Variants in BNC2 observed in about 807,000 individuals in gnomAD.
BNC2 encodes the protein basonuclin zinc finger protein 2.
A neutral mutation model predicts 76.3 loss-of-function variants in BNC2; 20 were observed. The observed-to-expected ratio is 0.26, with a 90% CI of 0.18 to 0.38. The LOEUF is 0.38. BNC2 is among the 10% of genes least tolerant of loss of function. The probability of loss-of-function intolerance (pLI) is 1.00; values close to 1 mark genes in which losing one functional copy is unlikely to be tolerated. For missense variants in BNC2, 1,382 were observed against 1,399.8 expected, an observed-to-expected ratio of 0.99 and a Z score of 0.20; for synonymous variants, 582 against 514.8, an observed-to-expected ratio of 1.13 and a Z score of -1.77.
chr9:16,522,601 G>C (rs116212541), intron 5 of BNC2, among the ~76,000 whole-genome samples: 1 of 152,130 alleles, frequency 6.6e-6, no homozygotes, highest in South Asian at 2.1e-4. Context: ...TGAACAGTGG[G>C]AGCCAAGAGG....
chr9:16,680,342 C>G (rs1822787153), intron 3 of BNC2, among the ~76,000 whole-genome samples: 1 of 151,912 alleles, frequency 6.6e-6, no homozygotes, highest in South Asian at 2.1e-4. Context: ...CCTTTAATAA[C>G]AAAAAATTTT....
chr9:16,681,807 G>A (rs572471907), intron 3 of BNC2, among the ~76,000 whole-genome samples: 21 of 152,290 alleles, frequency 1.4e-4, no homozygotes, highest in African/African-American at 3.8e-4. Flanking sequence ...AGCATAGACC[G>A]CCTGGTACTT....
intron 3 of BNC2, among the ~76,000 whole-genome samples, chr9:16,622,829 A>C (rs1377868126): frequency 6.6e-6 from 1 of 152,194 alleles, no homozygotes; most frequent in African/African-American, 2.4e-5. Context: ...ACGCATGTAA[A>C]GAACAACAAT....
intron 3 of BNC2, among the ~76,000 whole-genome samples, chr9:16,724,932 A>G (rs1313060835): frequency 6.6e-6 from 1 of 152,122 alleles, no homozygotes; most frequent in Non-Finnish European, 1.5e-5. Flanking sequence ...TCAGGAAAAT[A>G]TTAGTTTTTA....
chr9:16,763,722 T>C lies in BNC2; in HGVS notation c.4-25237A>G, dbSNP rs149644494. Among the ~76,000 whole-genome samples the C allele has an allele frequency of 3.1e-3, 473 of 152,272 alleles. 3 individuals are homozygous for C. Among genetic ancestry groups the C allele is most frequent in the African/African-American group, 8.4e-3 (350 of 41,546 alleles). On this transcript the variant is annotated intron_variant, in intron 1 of 6. Transcript: ENST00000380672. ...TAGTGGTGAGTGGCAGAAAACTACA[T>C]AGCATGTTACTTTCCAATGATAAAA...
At chr9:16,538,739 G>T (rs866496535) in intron 5 of BNC2, among the ~76,000 whole-genome samples, 1 of 152,054 alleles carries the variant, frequency 6.6e-6, no homozygotes, top group Non-Finnish European at 1.5e-5. Context: ...TGAAATTTAC[G>T]TTAGTCAGTC....
chr9:16,422,348 A>T (rs189937063), intron 6 of BNC2, among the ~76,000 whole-genome samples: 1 of 152,264 alleles, frequency 6.6e-6, no homozygotes, highest in East Asian at 1.9e-4. Context: ...CTTTTATTCA[A>T]TTAAGTGCCA....
At chr9:16,661,023 T>C (rs1175488578) in intron 3 of BNC2, among the ~76,000 whole-genome samples, 1 of 152,110 alleles carries the variant, frequency 6.6e-6, no homozygotes, top group Non-Finnish European at 1.5e-5. Context: ...TCTAACTTAA[T>C]CCTAAATATT....
intron 5 of BNC2, among the ~76,000 whole-genome samples, chr9:16,548,652 G>A (rs1463521009): frequency 2.0e-5 from 3 of 152,118 alleles, no homozygotes; most frequent in Admixed American, 6.5e-5. Context: ...TGATCTGCCC[G>A]CCTTGGCCTC....
intron 2 of BNC2, among the ~76,000 whole-genome samples, chr9:16,736,347 C>A (rs1177678656): frequency 1.3e-5 from 2 of 150,424 alleles, no homozygotes; most frequent in African/African-American, 4.9e-5. Context: ...AAAAATGATA[C>A]TCCTTCATAT....
chr9:16,506,247 T>C (rs1252616247), intron 5 of BNC2, among the ~76,000 whole-genome samples: 2 of 152,150 alleles, frequency 1.3e-5, no homozygotes, highest in Non-Finnish European at 2.9e-5. Context: ...ACAAAAATAC[T>C]TATGTGAGAG....
intron 3 of BNC2, among the ~76,000 whole-genome samples, chr9:16,589,327 AG>A (rs1331861675): frequency 6.6e-6 from 1 of 151,784 alleles, no homozygotes; most frequent in African/African-American, 2.4e-5. Context: ...CTGGGACTAC[AG>A]GTGCACACCA....
chr9:16,760,009 C>A (rs1372381381), intron 1 of BNC2, among the ~76,000 whole-genome samples: 1 of 152,164 alleles, frequency 6.6e-6, no homozygotes, highest in Non-Finnish European at 1.5e-5. Flanking sequence ...AGGCGTGAGC[C>A]ACCGCGCGGG....
At chr9:16,587,928 A>G (rs1819817845) in intron 3 of BNC2, among the ~76,000 whole-genome samples, 1 of 152,176 alleles carries the variant, frequency 6.6e-6, no homozygotes, top group South Asian at 2.1e-4. Context: ...AATGCTTAGT[A>G]CAGGTTGTGA....
chr9:16,511,696 TG>T (rs1280572686), intron 5 of BNC2, among the ~76,000 whole-genome samples: 1 of 152,156 alleles, frequency 6.6e-6, no homozygotes, highest in African/African-American at 2.4e-5. Context: ...CCCAAAGTGC[TG>T]AGATTACAGG....
intron 3 of BNC2, among the ~76,000 whole-genome samples, chr9:16,591,055 G>C (rs1354388903): frequency 3.3e-5 from 5 of 152,058 alleles, no homozygotes; most frequent in Non-Finnish European, 5.9e-5. Context: ...TTGCCACAAA[G>C]ACTAAAAAAC....
chr9:16,568,244 T>G (rs901736482), intron 4 of BNC2, among the ~76,000 whole-genome samples: 2 of 152,192 alleles, frequency 1.3e-5, no homozygotes, highest in Non-Finnish European at 1.5e-5. Context: ...ATTGTTTTTA[T>G]GAAACTCTTT....
At chr9:16,713,593 G>C (rs1365022677) in intron 3 of BNC2, among the ~76,000 whole-genome samples, 2 of 151,972 alleles carry the variant, frequency 1.3e-5, no homozygotes, top group Middle Eastern at 3.2e-3. Context: ...GCTTAATGTA[G>C]ATGGTTGGTG....
intron 6 of BNC2, among the ~76,000 whole-genome samples, chr9:16,422,518 G>T (rs556624400): frequency 6.6e-6 from 1 of 152,270 alleles, no homozygotes; most frequent in South Asian, 2.1e-4. Context: ...CAGTTCAAGA[G>T]AATTGATTCT....
Sources: allele counts gnomAD v4.1 joint callset (sites outside exome capture counted in the v4.1 genomes callset), GRCh38; gene constraint gnomAD v4.1.1; transcripts MANE v1.5; gene names NCBI Gene and HGNC (gene_info 2026-07-23, HGNC 2026-07-21).